CDC123: variants seen among roughly 807,000 people sequenced by gnomAD.
CDC123 encodes cell division cycle 123, also known as translation initiation factor eIF2 assembly protein.
Under a neutral mutation model 54.4 loss-of-function variants are expected in CDC123, and 37 were observed. That is an observed-to-expected ratio of 0.68 (90% CI 0.52 to 0.89). CDC123 has a LOEUF of 0.89. CDC123 is among the 40% of genes least tolerant of loss of function. The pLI is 0.00. For synonymous variants in CDC123, 144 were observed against 136.8 expected, an observed-to-expected ratio of 1.05 and a Z score of -0.37; for missense variants, 361 against 412.1, an observed-to-expected ratio of 0.88 and a Z score of 1.07.
chr10:12,196,414 A>T, intron 1 of CDC123, 95 bp downstream of exon 1: 3 of 1,516,456 alleles, frequency 2.0e-6, no homozygotes, highest in Non-Finnish European at 2.7e-6. Context: ...CAGGCCTTCT[A>T]GCGACTGCAT....
At chr10:12,210,139 G>T in intron 3 of CDC123, 115 bp downstream of exon 3, 2 of 1,446,386 alleles carry the variant, frequency 1.4e-6, no homozygotes, top group Non-Finnish European at 1.9e-6. Flanking sequence ...AATTACGTGA[G>T]AATCTTACTT....
chr10:12,219,625 C>T (rs1835706804), intron 6 of CDC123, among the ~76,000 whole-genome samples: 1 of 151,326 alleles, frequency 6.6e-6, no homozygotes, highest in African/African-American at 2.4e-5. Flanking sequence ...ACATCTAATG[C>T]TTTAAGAGGT....
intron 2 of CDC123, among the ~76,000 whole-genome samples, chr10:12,201,709 C>T (rs186657627): frequency 2.1e-4 from 32 of 152,204 alleles, no homozygotes; most frequent in Admixed American, 1.8e-3. Context: ...ATTCTGAGAA[C>T]GTCAGGAAGG....
Position 12,230,985 on chromosome 10 carries a change from A to G in CDC123, c.478A>G (p.Ile160Val), listed in dbSNP as rs1176749719. Residue 160 changes from isoleucine (I) to valine (V), a missense_variant, in exon 7 of 13, where the codon ATA becomes GTA. Ile to Val is a conservative substitution (Grantham distance 29). Coordinates refer to ENST00000281141, the MANE Select transcript of CDC123 (RefSeq NM_006023.3). ...HCTDDSPDPCIEYELVLRKWC... is the reference protein window; with the variant it reads ...HCTDDSPDPCVEYELVLRKWC... Reference sequence around the variant, plus strand: ...TACTGATGATTCTCCAGATCCATGTATAGAATATGAGGTAAGAAGCTTATT... The same window carrying G: ...TACTGATGATTCTCCAGATCCATGTGTAGAATATGAGGTAAGAAGCTTATT... 4 of 1,610,888 alleles carry G rather than the reference A, an allele frequency of 2.5e-6. No homozygotes were observed. The highest frequency in any genetic ancestry group is 1.7e-5 in the Admixed American group (1 of 59,448).
At chr10:12,245,905 G>A (rs1285365993) in intron 10 of CDC123, 1 of 342,614 alleles carries the variant, frequency 2.9e-6, no homozygotes, top group Non-Finnish European at 5.4e-6. Context: ...ACCCTGTCTC[G>A]AAGAAAATAC....
At chr10:12,204,484 T>A (rs983479608) in intron 2 of CDC123, among the ~76,000 whole-genome samples, 6 of 152,308 alleles carry the variant, frequency 3.9e-5, no homozygotes, top group African/African-American at 1.2e-4. Context: ...TTAAATTTTT[T>A]AATTTTTAGT....
intron 6 of CDC123, among the ~76,000 whole-genome samples, chr10:12,226,500 C>G (rs1420107715): frequency 6.6e-6 from 1 of 150,420 alleles, no homozygotes; most frequent in East Asian, 2.0e-4. Context: ...ACTTCTCAGA[C>G]GGGGCGGCCG....
At chr10:12,223,483 A>C (rs1358212265) in intron 6 of CDC123, among the ~76,000 whole-genome samples, 1 of 152,094 alleles carries the variant, frequency 6.6e-6, no homozygotes, top group Non-Finnish European at 1.5e-5. Context: ...ACAGGGTCTC[A>C]CCATGTTGGC....
At chr10:12,237,334 A>G (rs1835992223) in intron 9 of CDC123, 68 bp downstream of exon 9, 6 of 1,294,308 alleles carry the variant, frequency 4.6e-6, no homozygotes, top group Non-Finnish European at 6.1e-6. Flanking sequence ...CTTATTTACT[A>G]TGGTGTGTAT....
chr10:12,220,711 C>T (rs1393786161), intron 6 of CDC123, among the ~76,000 whole-genome samples: 2 of 152,232 alleles, frequency 1.3e-5, no homozygotes, highest in Non-Finnish European at 2.9e-5. Flanking sequence ...GGTGTGGTGG[C>T]TCATGCCTGT....
At chr10:12,211,006 G>A (rs1317280010) in intron 4 of CDC123, among the ~76,000 whole-genome samples, 1 of 152,112 alleles carries the variant, frequency 6.6e-6, no homozygotes, top group Non-Finnish European at 1.5e-5. Context: ...CTGGCCTCAA[G>A]CGTATTTAAA....
At chr10:12,196,450 T>C in intron 1 of CDC123, 131 bp downstream of exon 1, 1 of 1,216,328 alleles carries the variant, frequency 8.2e-7, no homozygotes, top group South Asian at 1.3e-5. Flanking sequence ...GAGAGGGAAG[T>C]ACATCAGCAA....
chr10:12,228,344 TGTTAA>T (rs1461971095), intron 6 of CDC123, among the ~76,000 whole-genome samples: 6 of 152,226 alleles, frequency 3.9e-5, no homozygotes, highest in African/African-American at 9.6e-5. Flanking sequence ...GATAATGTAC[TGTTAA>T]GTTAGTTTGA....
intron 9 of CDC123, among the ~76,000 whole-genome samples, chr10:12,237,723 C>T (rs1278580278): frequency 1.3e-5 from 2 of 152,112 alleles, no homozygotes; most frequent in African/African-American, 4.8e-5. Context: ...TGTGAGCCAC[C>T]GCACCAGCCA....
At chr10:12,241,342 A>G (rs1463089434) in intron 10 of CDC123, among the ~76,000 whole-genome samples, 1 of 152,120 alleles carries the variant, frequency 6.6e-6, no homozygotes, top group African/African-American at 2.4e-5. Context: ...GATCACATAG[A>G]TTATTTGTTT....
chr10:12,217,982 G>A (rs1164327035), intron 6 of CDC123, among the ~76,000 whole-genome samples: 3 of 151,970 alleles, frequency 2.0e-5, no homozygotes, highest in East Asian at 1.9e-4. Flanking sequence ...TCAGCTACTC[G>A]GGAGGCTGAG....
At chr10:12,239,612 C>T (rs1378772650) in intron 10 of CDC123, among the ~76,000 whole-genome samples, 5 of 151,442 alleles carry the variant, frequency 3.3e-5, no homozygotes, top group African/African-American at 9.7e-5. Context: ...GAAGCTGAGG[C>T]ACAGGAGAAT....
chr10:12,239,126 G>C (rs1836020136), intron 10 of CDC123, among the ~76,000 whole-genome samples: 1 of 152,038 alleles, frequency 6.6e-6, no homozygotes, highest in South Asian at 2.1e-4. Flanking sequence ...CTGCTCTCCA[G>C]CCAGGGTGAC....
intron 6 of CDC123, among the ~76,000 whole-genome samples, chr10:12,220,928 G>C (rs1835727509): frequency 6.6e-6 from 1 of 151,622 alleles, no homozygotes; most frequent in African/African-American, 2.4e-5. Flanking sequence ...AGTGAGCTGA[G>C]ATCGCGCCAC....
Sources: gnomAD v4.1 joint callset for allele counts (sites outside exome capture counted in the v4.1 genomes callset) on GRCh38, gnomAD v4.1.1 for gene constraint, MANE v1.5 for transcripts, NCBI Gene and HGNC (gene_info 2026-07-23, HGNC 2026-07-21) for gene names.